COL4A2: variants seen among roughly 807,000 people sequenced by gnomAD.
The protein encoded by COL4A2 is collagen alpha-2(IV) chain.
Under a neutral mutation model 200.2 loss-of-function variants are expected in COL4A2, and 99 were observed. The ratio of observed to expected loss-of-function variants is 0.49; its 90% CI spans 0.42 to 0.58. The LOEUF (loss-of-function observed/expected upper bound fraction) is 0.58. Ranked by LOEUF, COL4A2 falls within the 20% of genes least tolerant of loss-of-function variation. The pLI, the probability that COL4A2 is intolerant of heterozygous loss-of-function variation, is 0.00. For missense variants in COL4A2, 1,950 were observed against 2,314.1 expected, an observed-to-expected ratio of 0.84 and a Z score of 3.23; for synonymous variants, 897 against 900.6, an observed-to-expected ratio of 1.00 and a Z score of 0.07.
Position 110,432,156 on chromosome 13 carries a change from C to T in COL4A2, c.649-169C>T, listed in dbSNP as rs141335617. On this transcript the variant is annotated intron_variant, in intron 10 of 47. Coordinates refer to ENST00000360467, the MANE Select transcript of COL4A2 (RefSeq NM_001846.4). ...TGAGAACTGGAGCTGACCCGAGTCC[C>T]TCTCCCCCAGCATGTCATCTCTGCC... is the stretch of plus-strand genomic sequence containing the variant. Among the ~76,000 whole-genome samples the T allele has an allele frequency of 9.5e-4, 144 of 152,322 alleles. 1 individual carries two copies. Among genetic ancestry groups the T allele is most frequent in the African/African-American group, 3.3e-3 (137 of 41,572 alleles).
chr13:110,359,414 C>T (rs1252607265), intron 4 of COL4A2, among the ~76,000 whole-genome samples: 1 of 152,214 alleles, frequency 6.6e-6, no homozygotes, highest in Non-Finnish European at 1.5e-5. Context: ...GACACAGCCT[C>T]CTTGCCTTTA....
At chr13:110,383,606 CTTTT>C (rs67906394) in intron 4 of COL4A2, among the ~76,000 whole-genome samples, 10 of 65,344 alleles carry the variant, frequency 1.5e-4, no homozygotes, top group African/African-American at 4.2e-4. Context: ...CAGCCCTTTT[CTTTT>C]TTTTTTTTTT....
intron 4 of COL4A2, among the ~76,000 whole-genome samples, chr13:110,367,077 A>G (rs1044492883): frequency 6.6e-6 from 1 of 152,138 alleles, no homozygotes; most frequent in South Asian, 2.1e-4. Context: ...TTTGCATTCT[A>G]GGAGAATGGC....
intron 4 of COL4A2, 146 bp from the exon 5 acceptor site, chr13:110,424,588 G>A: frequency 2.0e-6 from 1 of 509,470 alleles, no homozygotes; most frequent in South Asian, 4.1e-5. Context: ...TATCATGGCA[G>A]TAGATGATAG....
chr13:110,414,763 TCTTGCTAGGGAATGAGG>T (rs1879976829), intron 4 of COL4A2, among the ~76,000 whole-genome samples: 1 of 152,264 alleles, frequency 6.6e-6, no homozygotes, highest in African/African-American at 2.4e-5. Context: ...TCTGTAAGAC[TCTTGCTAGGGAATGAGG>T]CTTGTGTTTG....
chr13:110,472,366 C>T (rs1301589746), intron 28 of COL4A2, among the ~76,000 whole-genome samples: 1 of 152,100 alleles, frequency 6.6e-6, no homozygotes, highest in Non-Finnish European at 1.5e-5. Flanking sequence ...TCACCCGCCT[C>T]GGCCTCCCAA....
intron 20 of COL4A2, among the ~76,000 whole-genome samples, chr13:110,453,167 G>A (rs1303254212): frequency 6.6e-6 from 1 of 152,046 alleles, no homozygotes; most frequent in Non-Finnish European, 1.5e-5. Flanking sequence ...TCTTTTTCTG[G>A]AGCAGAACAT....
intron 20 of COL4A2, 136 bp from the exon 21 acceptor site, chr13:110,457,202 CGTGGG>C: frequency 2.6e-6 from 1 of 389,020 alleles, no homozygotes; most frequent in East Asian, 3.5e-5. Context: ...CCTGCGTCTG[CGTGGG>C]ACCCCAGGCG....
chr13:110,368,531 G>A (rs7999034), intron 4 of COL4A2, among the ~76,000 whole-genome samples: 59,069 of 151,890 alleles, frequency 0.39, 11,673 homozygotes, highest in South Asian at 0.56. Flanking sequence ...TAGAAAGAGA[G>A]GTTTCTTTCT....
intron 7 of COL4A2, 123 bp downstream of exon 7, chr13:110,428,706 G>C (rs770119124): frequency 2.1e-6 from 1 of 478,172 alleles, no homozygotes; most frequent in Admixed American, 4.1e-5. Flanking sequence ...GTATGTTGAC[G>C]CCCAAGACAT....
chr13:110,472,784 C>T (rs1048306476), intron 28 of COL4A2, 145 bp from the exon 29 acceptor site: 47 of 673,420 alleles, frequency 7.0e-5, no homozygotes, highest in South Asian at 4.6e-4. Flanking sequence ...CCAAAAAGGG[C>T]GACAGGGACA....
intron 29 of COL4A2, among the ~76,000 whole-genome samples, chr13:110,477,233 T>C (rs1882736999): frequency 6.6e-6 from 1 of 152,100 alleles, no homozygotes; most frequent in Admixed American, 6.5e-5. Context: ...GAACTAAAAC[T>C]TCACCAAAAT....
At chr13:110,391,632 G>C (rs569719240) in intron 4 of COL4A2, among the ~76,000 whole-genome samples, 1 of 152,356 alleles carries the variant, frequency 6.6e-6, no homozygotes, top group Non-Finnish European at 1.5e-5. Context: ...CGATGCCCTT[G>C]AGTAATTCTC....
At chr13:110,421,686 T>C in intron 4 of COL4A2, among the ~76,000 whole-genome samples, 1 of 152,222 alleles carries the variant, frequency 6.6e-6, no homozygotes, top group East Asian at 1.9e-4. Flanking sequence ...GGCACCGAGT[T>C]GTATCCTTTA....
intron 36 of COL4A2, among the ~76,000 whole-genome samples, chr13:110,490,524 G>T (rs1464463633): frequency 6.6e-6 from 1 of 152,206 alleles, no homozygotes; most frequent in African/African-American, 2.4e-5. Flanking sequence ...GACGTGTTCA[G>T]TTGAGCACAG....
intron 24 of COL4A2, among the ~76,000 whole-genome samples, chr13:110,464,609 G>C (rs1055774206): frequency 2.0e-5 from 3 of 152,120 alleles, no homozygotes; most frequent in Non-Finnish European, 4.4e-5. Flanking sequence ...GCCCCGCTCC[G>C]TCATGCCTTT....
At position 110,475,882 on chromosome 13, in the gene COL4A2, A is replaced by G. The variant is rs528539933; in HGVS notation, c.2426-2121A>G. ...TTGTTCCTTTTTTAACAGATAGTCT[A>G]TAAGTGGAAACTGACCTGAAACATT... is the stretch of plus-strand genomic sequence containing the variant. On this transcript the variant is annotated intron_variant, in intron 29 of 47. Transcript: ENST00000360467. 5.9e-5 allele frequency among the ~76,000 whole-genome samples: 9 copies of G among 152,382 alleles called. No homozygotes were observed. In the South Asian group the frequency reaches 1.5e-3, roughly 25 times the overall value.
rs746759612 is a variant in COL4A2 at position 110,436,276 on chromosome 13, T to A, written c.734T>A (p.Val245Glu). ...TTGCTTAACAATATGCAGGGTGACG[T>A]AGGGCAGCCGGGACCCAACGGGATT... ...FYGVKGEKGD[V>E]GQPGPNGIPS... Residue 245 changes from valine to glutamate, a missense_variant, in exon 13 of 48, where the codon GTA becomes GAA. Physicochemically the swap from Val to Glu is moderately radical, Grantham distance 121. Transcript: ENST00000360467. 1.9e-6 allele frequency: 3 copies of A among 1,614,076 alleles called. No individual in the cohort carries two copies. The South Asian group carries it at 3.3e-5, about 18-fold the overall frequency.
At chr13:110,361,694 C>T (rs1180912776) in intron 4 of COL4A2, among the ~76,000 whole-genome samples, 1 of 152,188 alleles carries the variant, frequency 6.6e-6, no homozygotes, top group African/African-American at 2.4e-5. Context: ...CATCCTTGGG[C>T]GGTGAGTGGT....
Sources: gnomAD v4.1 joint callset for allele counts (sites outside exome capture counted in the v4.1 genomes callset) on GRCh38, gnomAD v4.1.1 for gene constraint, MANE v1.5 for transcripts, NCBI Gene and HGNC (gene_info 2026-07-23, HGNC 2026-07-21) for gene names.